INPP5B: variants seen among roughly 807,000 people sequenced by gnomAD.
INPP5B encodes the protein inositol polyphosphate-5-phosphatase B.
INPP5B carries 90 observed loss-of-function variants against 118.5 expected under a neutral mutation model. The observed-to-expected ratio is 0.76, with a 90% CI of 0.64 to 0.90. The LOEUF is 0.90. INPP5B is among the 40% of genes least tolerant of loss of function. The probability of loss-of-function intolerance (pLI) is 0.00; values close to 1 mark genes in which losing one functional copy is unlikely to be tolerated. For synonymous variants in INPP5B, 385 were observed against 418.9 expected (o/e 0.92, Z 0.99); for missense variants, 984 against 1,125.6 (o/e 0.87, Z 1.80).
At chr1:37,931,526 G>C in intron 7 of INPP5B, 3 of 1,535,774 alleles carry the variant, frequency 2.0e-6, no homozygotes, top group Non-Finnish European at 2.6e-6. Flanking sequence ...TTCTGCCCCA[G>C]TGTCCCAGCC....
At chr1:37,938,855 G>A (rs1286445880) in intron 6 of INPP5B, among the ~76,000 whole-genome samples, 1 of 151,934 alleles carries the variant, frequency 6.6e-6, no homozygotes. Flanking sequence ...CCGGGAGTTC[G>A]AGACCACCCT....
chr1:37,945,071 A>G (rs1194353390), intron 3 of INPP5B, among the ~76,000 whole-genome samples: 1 of 152,100 alleles, frequency 6.6e-6, no homozygotes, highest in African/African-American at 2.4e-5. Flanking sequence ...GAGTTCCAGC[A>G]TGCAGCTATG....
intron 14 of INPP5B, among the ~76,000 whole-genome samples, chr1:37,881,631 C>T (rs748662084): frequency 2.6e-4 from 39 of 152,126 alleles, no homozygotes; most frequent in Non-Finnish European, 4.7e-4. Context: ...AGGCAGATAA[C>T]ACACAAAATG....
Position 37,878,288 on chromosome 1 carries a change from A to C in INPP5B, c.1577T>G (p.Ile526Ser). The change falls in exon 16 of 24, where the codon ATT (isoleucine) becomes AGT (serine). Residue 526 changes from isoleucine (I) to serine (S), a missense_variant. This residue lies in a region of INPP5B where 634 missense variants were observed against 791.0 expected (regional missense o/e 0.80). Coordinates refer to ENST00000373024, the MANE Select transcript of INPP5B (RefSeq NM_005540.3). ...AGTGATGTTCTTCCCTTTCCAGAGA[A>C]TCCGATCACACCAGGCAGGAGCACG... is the stretch of plus-strand genomic sequence containing the variant. The part of the protein sequence containing the change: ...KCRAPAWCDR[I>S]LWKGKNITQL... 1 of 1,614,118 alleles carries C rather than the reference A, an allele frequency of 6.2e-7. No individual in the cohort carries two copies. Among genetic ancestry groups the C allele is most frequent in the Non-Finnish European group, 8.5e-7 (1 of 1,179,996 alleles).
In INPP5B at chr1:37,945,767, G is replaced by A; in HGVS notation, c.141C>T (p.Gly47=). 1 of 1,613,696 alleles carries A rather than the reference G, an allele frequency of 6.2e-7. No individual in the cohort carries two copies. Among genetic ancestry groups the A allele is most frequent in the Non-Finnish European group, 8.5e-7 (1 of 1,179,718 alleles). The change falls in exon 3 of 24, where the codon GGC becomes GGT. Residue 47 remains glycine, a synonymous_variant. Transcript: ENST00000373024. The part of the protein sequence containing the change: ...GLVRYRLEHG[G]QEHALFLYTH... ...AGCCCCTCACTCACGCGTGTTCCTG[G>A]CCGCCGTGCTCCAGGCGGTAGCGCA... is the stretch of plus-strand genomic sequence containing the variant.
intron 16 of INPP5B, among the ~76,000 whole-genome samples, chr1:37,877,162 C>G (rs762253070): frequency 6.6e-6 from 1 of 151,442 alleles, no homozygotes. Flanking sequence ...GGCAGGAGAT[C>G]GAACCCCATC....
intron 7 of INPP5B, among the ~76,000 whole-genome samples, chr1:37,908,628 C>T (rs1644581862): frequency 6.6e-6 from 1 of 151,938 alleles, no homozygotes; most frequent in African/African-American, 2.4e-5. Flanking sequence ...ATCCGTGGAC[C>T]CAAAACTCTG....
At position 37,872,984 on chromosome 1, in the gene INPP5B, C is replaced by T. The variant is rs75270283; in HGVS notation, c.2133G>A (p.Leu711=). The T allele has an allele frequency of 6.2e-7, 1 of 1,614,138 alleles. No homozygotes were observed. The highest frequency in any genetic ancestry group is 8.5e-7 in the Non-Finnish European group (1 of 1,180,034). ...PSCFGSPIHT[L]CYMREPILDL... ...CCAAGATTGGCTCTCTCATGTAACA[C>T]AGTGTATGAATGGGAGACCCAAAAC... The change falls in exon 19 of 24, where the codon CTG becomes CTA. Residue 711 remains leucine, a synonymous_variant. Transcript: ENST00000373024.
At position 37,883,172 on chromosome 1, in the gene INPP5B, G is replaced by A. The variant is rs147827971; in HGVS notation, c.1320-254C>T. On this transcript the variant is annotated intron_variant, in intron 13 of 23. Transcript: ENST00000373024. ...TTAGCTATTTTATTCTTGTAGGTTG[G>A]AAAGACAGTCTAATAAGATCTAAAA... The A allele has an allele frequency of 2.1e-4, 205 of 985,336 alleles. 1 individual carries two copies. Among genetic ancestry groups the A allele is most frequent in the Admixed American group, 6.1e-4 (10 of 16,270 alleles). The allele number at this position is 985,336 out of a possible 1,614,324, so 61.0% of individuals were successfully genotyped here. A position where few individuals can be genotyped will look rare whatever the true frequency, so the allele number is the denominator to read the frequency against.
At chr1:37,897,015 C>T (rs1365826796) in intron 7 of INPP5B, among the ~76,000 whole-genome samples, 6 of 134,614 alleles carry the variant, frequency 4.5e-5, no homozygotes, top group South Asian at 2.4e-4. Flanking sequence ...CCAGCCGCCC[C>T]GTCCGGGAGG....
At chr1:37,931,580 C>T in intron 7 of INPP5B, 8 of 1,538,352 alleles carry the variant, frequency 5.2e-6, no homozygotes, top group Non-Finnish European at 7.0e-6. Flanking sequence ...CGAGCGTCCA[C>T]TGGCCAAACC....
rs377086662 is a variant in INPP5B at position 37,870,408 on chromosome 1, AC to A, written c.2188-1795del. On this transcript the variant is annotated intron_variant, in intron 19 of 23. Transcript: ENST00000373024. ...TTACAATTGTGAGTCACTGTGCCCA[AC>A]CCATGGCTGAGTTTCTCTAATGTAC... 2.0e-4 allele frequency among the ~76,000 whole-genome samples: 30 copies of A among 152,252 alleles called. No homozygotes were observed. The South Asian group carries it at 5.2e-3, about 26-fold the overall frequency.
intron 14 of INPP5B, among the ~76,000 whole-genome samples, chr1:37,880,469 G>C (rs983449265): frequency 2.0e-5 from 3 of 147,680 alleles, no homozygotes; most frequent in Non-Finnish European, 3.1e-5. Context: ...ACGGAGTCTC[G>C]CTCTGTCACC....
At chr1:37,946,556 T>C (rs1646118858) in intron 1 of INPP5B, among the ~76,000 whole-genome samples, 1 of 152,284 alleles carries the variant, frequency 6.6e-6, no homozygotes, top group African/African-American at 2.4e-5. Context: ...GGATCTACAG[T>C]TTGCTATACT....
chr1:37,904,707 A>G (rs1321209060), intron 7 of INPP5B, among the ~76,000 whole-genome samples: 1 of 151,902 alleles, frequency 6.6e-6, no homozygotes, highest in Non-Finnish European at 1.5e-5. Flanking sequence ...GAGAAACCCC[A>G]TCTCTACTAA....
rs752909630 is a variant in INPP5B at position 37,907,741 on chromosome 1, T to G, written c.533-16287A>C. 6.6e-6 allele frequency among the ~76,000 whole-genome samples: 1 copy of G among 152,174 alleles called. No homozygotes were observed. Among genetic ancestry groups the G allele is most frequent in the East Asian group, 1.9e-4 (1 of 5,198 alleles). Reference sequence around the variant, plus strand: ...CATTGCTACATTCCCTCCAGTGCCTTGACAATTTACAAATGCCACGGTAAT... The same window carrying G: ...CATTGCTACATTCCCTCCAGTGCCTGGACAATTTACAAATGCCACGGTAAT... On this transcript the variant is annotated intron_variant, in intron 7 of 23. Coordinates refer to ENST00000373024, the MANE Select transcript of INPP5B (RefSeq NM_005540.3). The surrounding 1 kb of genome is among the most constrained non-coding windows in gnomAD (Gnocchi z 4.3).
rs1365145370 is a variant in INPP5B, at chr1:37,864,332, T to A, written c.2606A>T (p.His869Leu). 1 of 1,605,972 alleles carries A rather than the reference T, an allele frequency of 6.2e-7. No homozygotes were observed. The highest frequency in any genetic ancestry group is 2.2e-5 in the East Asian group (1 of 44,820). Residue 869 changes from histidine (H) to leucine (L), a missense_variant, in exon 23 of 24, where the codon CAT (histidine) becomes CTT (leucine). Physicochemically the swap from His to Leu is moderately conservative, Grantham distance 99. Transcript: ENST00000373024. ...CTTACCTAGAATATTCTCATCCAAA[T>A]GATTTTTTGCTGAATTTTTCAGCAG... ...RELLKNSAKN[H>L]LDENILASIF...
chr1:37,911,512 C>A (rs1297523898), intron 7 of INPP5B, among the ~76,000 whole-genome samples: 2 of 152,186 alleles, frequency 1.3e-5, no homozygotes, highest in Non-Finnish European at 2.9e-5. Flanking sequence ...TCGCCACTCA[C>A]CAGCAAAGGG....
intron 7 of INPP5B, among the ~76,000 whole-genome samples, chr1:37,893,614 C>T (rs1476161104): frequency 1.3e-5 from 2 of 152,182 alleles, no homozygotes; most frequent in African/African-American, 4.8e-5. Context: ...TCACCCCACC[C>T]TCTCCAACCC....
Sources: allele counts gnomAD v4.1 joint callset (sites outside exome capture counted in the v4.1 genomes callset), GRCh38; gene constraint gnomAD v4.1.1; regional missense constraint gnomAD v4.1.1; non-coding constraint Gnocchi (gnomAD v3.1); transcripts MANE v1.5; gene names NCBI Gene and HGNC (gene_info 2026-07-23, HGNC 2026-07-21).